MYH10: variants seen among roughly 807,000 people sequenced by gnomAD.
MYH10 encodes myosin heavy chain 10.
In MYH10, 55 loss-of-function variants were observed where a neutral mutation model predicts 257.8. The observed-to-expected ratio is 0.21, with a 90% CI of 0.17 to 0.27. The LOEUF (loss-of-function observed/expected upper bound fraction) is 0.27, where lower values mean the gene tolerates loss of function less well. MYH10 is among the 10% of genes least tolerant of loss of function. The probability of loss-of-function intolerance (pLI) is 1.00; values close to 1 mark genes in which losing one functional copy is unlikely to be tolerated. For synonymous variants in MYH10, 854 were observed against 921.7 expected, an observed-to-expected ratio of 0.93 and a Z score of 1.33; for missense variants, 1,631 against 2,500.6, an observed-to-expected ratio of 0.65 and a Z score of 7.42.
Position 8,545,579 on chromosome 17 carries a change from A to C in MYH10, c.1300T>G (p.Leu434Val), listed in dbSNP as rs766733329. The change falls in exon 13 of 43, where the codon TTG becomes GTG. Residue 434 changes from leucine (L) to valine (V), a missense_variant. This residue lies in a region of MYH10 where 360 missense variants were observed against 581.9 expected (regional missense o/e 0.62). Transcript: ENST00000360416. This position sits in a 1 kb window ranked among gnomAD's most constrained non-coding sequence, Gnocchi z 4.7. Reference protein sequence around the residue: ...KEQADFAVEALAKATYERLFR... With the variant: ...KEQADFAVEAVAKATYERLFR... ...AGCCGCTCATAGGTAGCTTTTGCCA[A>C]TGCTTCTACTGCAAAATCTGCCTGT... is the stretch of plus-strand genomic sequence containing the variant. The C allele has an allele frequency of 1.2e-6, 2 of 1,612,732 alleles. No homozygotes were observed. Among genetic ancestry groups the C allele is most frequent in the Admixed American group, 1.7e-5 (1 of 59,492 alleles).
At position 8,576,223 on chromosome 17, in the gene MYH10, C is replaced by CT. The variant is rs534392246; in HGVS notation, c.663+419dup. ...GCATAAACTATGCCATGCCATAAAA[C>CT]TTTAACAGATCAGAAATTTGTTAGC... On this transcript the variant is annotated intron_variant, in intron 6 of 42. Transcript: ENST00000360416. Among the ~76,000 whole-genome samples, 145 of 152,260 alleles carry CT rather than the reference C, an allele frequency of 9.5e-4. 2 individuals are homozygous for CT. The highest frequency in any genetic ancestry group is 6.0e-3 in the East Asian group (31 of 5,184).
intron 2 of MYH10, among the ~76,000 whole-genome samples, chr17:8,606,524 G>A (rs911793686): frequency 6.6e-5 from 10 of 152,150 alleles, no homozygotes; most frequent in African/African-American, 2.4e-4. Context: ...ACTAACAGCC[G>A]TGTTCATAAG....
At chr17:8,548,880 A>G in intron 9 of MYH10, 93 bp from the exon 10 acceptor site, 1 of 1,094,726 alleles carries the variant, frequency 9.1e-7, no homozygotes, top group South Asian at 1.5e-5. Context: ...GTCACAGGAG[A>G]GCAGTGGTCA....
intron 3 of MYH10, among the ~76,000 whole-genome samples, chr17:8,602,881 T>C (rs1418119098): frequency 6.6e-6 from 1 of 152,216 alleles, no homozygotes; most frequent in Non-Finnish European, 1.5e-5. Flanking sequence ...CACAAAGCCT[T>C]TACCCAGTGC....
intron 25 of MYH10, 100 bp from the exon 26 acceptor site, chr17:8,508,777 G>A (rs2081161227): frequency 2.1e-6 from 3 of 1,427,144 alleles, no homozygotes; most frequent in Admixed American, 1.9e-5. Context: ...GAGAAAATAA[G>A]TTCTATCGGC....
At chr17:8,556,924 C>G (rs2082825709) in intron 7 of MYH10, among the ~76,000 whole-genome samples, 1 of 152,054 alleles carries the variant, frequency 6.6e-6, no homozygotes, top group Admixed American at 6.6e-5. Flanking sequence ...AATAATAATT[C>G]AATTCTGTGT....
At chr17:8,616,405 G>A (rs1221437971) in intron 2 of MYH10, among the ~76,000 whole-genome samples, 2 of 151,980 alleles carry the variant, frequency 1.3e-5, no homozygotes, top group African/African-American at 4.8e-5. Flanking sequence ...GTAAACTTAG[G>A]TCACTGAAGA....
At chr17:8,533,397 CCTGAG>C (rs1419694359) in intron 16 of MYH10, among the ~76,000 whole-genome samples, 1 of 152,168 alleles carries the variant, frequency 6.6e-6, no homozygotes, top group Non-Finnish European at 1.5e-5. Flanking sequence ...GAACACTCCT[CCTGAG>C]CTATGATTTT....
chr17:8,556,290 G>A (rs2082793133), intron 7 of MYH10, among the ~76,000 whole-genome samples: 1 of 152,180 alleles, frequency 6.6e-6, no homozygotes, highest in Non-Finnish European at 1.5e-5. Context: ...AGAAAGGAAT[G>A]CATGCATCCA....
At chr17:8,541,340 C>T (rs376762987) in intron 14 of MYH10, among the ~76,000 whole-genome samples, 2 of 152,194 alleles carry the variant, frequency 1.3e-5, no homozygotes, top group Admixed American at 6.5e-5. Flanking sequence ...GCTTCCTCTA[C>T]GTTACAGATA....
In MYH10 at chr17:8,475,883, G is replaced by T. The variant is rs1300038693; in HGVS notation, c.5945C>A (p.Ala1982Asp). 3 of 1,614,092 alleles carry T rather than the reference G, an allele frequency of 1.9e-6. No homozygotes were observed. The African/African-American group carries it at 4.0e-5, about 22-fold the overall frequency. ...SGRRQLHLEGASLELSDDDTE... is the reference protein window; with the variant it reads ...SGRRQLHLEGDSLELSDDDTE... ...GTCATCGTCGGAGAGCTCCAGGGAA[G>T]CTCCTTCAAGGTGCAGCTGGCGCCG... is the stretch of plus-strand genomic sequence containing the variant. The change falls in exon 43 of 43, where the codon GCT becomes GAT. Residue 1982 changes from alanine to aspartate, a missense_variant. Ala to Asp is a moderately radical substitution (Grantham distance 126). This residue lies in a region of MYH10 where 343 missense variants were observed against 389.5 expected (regional missense o/e 0.88). Coordinates refer to ENST00000360416, the MANE Select transcript of MYH10 (RefSeq NM_001256012.3).
intron 6 of MYH10, among the ~76,000 whole-genome samples, chr17:8,570,410 T>C (rs442552): frequency 0.96 from 146,869 of 152,300 alleles, 71,048 homozygotes; most frequent in East Asian, 1. Context: ...CTGCTTTAGT[T>C]GGTGTCTTTA....
chr17:8,477,659 A>G lies in MYH10; in HGVS notation c.5707-611T>C, dbSNP rs1006671244. Among the ~76,000 whole-genome samples, 6 of 152,136 alleles carry G rather than the reference A, an allele frequency of 3.9e-5. No homozygotes were observed. The East Asian group carries it at 5.8e-4, about 15-fold the overall frequency. The stretch of plus-strand genomic sequence containing the variant: ...CCCCAAGGGTGGGGGTGGGAAGGGA[A>G]GGCCAGGTTGCCTGACTGAATGAAT... On this transcript the variant is annotated intron_variant, in intron 41 of 42. Transcript: ENST00000360416. This position sits in a 1 kb window ranked among gnomAD's most constrained non-coding sequence, Gnocchi z 4.2.
At chr17:8,584,392 AGCCAGCT>A (rs1379996735) in intron 4 of MYH10, among the ~76,000 whole-genome samples, 1 of 152,240 alleles carries the variant, frequency 6.6e-6, no homozygotes, top group African/African-American at 2.4e-5. Context: ...CCAAGGTTGA[AGCCAGCT>A]GCCCAGGACA....
intron 24 of MYH10, 133 bp downstream of exon 24, chr17:8,512,318 G>T (rs192319413): frequency 1.1e-4 from 69 of 657,076 alleles, no homozygotes; most frequent in Middle Eastern, 8.4e-4. Context: ...ATCTTTCTAA[G>T]AGTGGCTTCT....
In MYH10 at chr17:8,623,650, G is replaced by A. The variant is rs544306104; in HGVS notation, c.-31-373C>T. Among the ~76,000 whole-genome samples the A allele has an allele frequency of 1.1e-4, 16 of 151,358 alleles. 1 individual carries two copies. Among genetic ancestry groups the A allele is most frequent in the African/African-American group, 2.9e-4 (12 of 41,280 alleles). ...AGAAAACAAAGATGGGTAATAAAAG[G>A]TTCATGAAGTGGTACCAGAATTAAT... On this transcript the variant is annotated intron_variant, in intron 1 of 42. Coordinates refer to ENST00000360416, the MANE Select transcript of MYH10 (RefSeq NM_001256012.3).
At position 8,518,712 on chromosome 17, in the gene MYH10, T is replaced by A; in HGVS notation, c.2423A>T (p.His808Leu). The change falls in exon 21 of 43, where the codon CAC becomes CTC. Residue 808 changes from histidine to leucine, a missense_variant. Physicochemically the swap from His to Leu is moderately conservative, Grantham distance 99 (BLOSUM62 -3). This residue lies in a region of MYH10 where 116 missense variants were observed against 221.6 expected (regional missense o/e 0.52). Transcript: ENST00000360416. Reference sequence around the variant, plus strand: ...TTTTAAATCTCTTTCTTCCTCTAAGTGTGCCAGAACTCCAGCTCTGAAAAA... The same window carrying A: ...TTTTAAATCTCTTTCTTCCTCTAAGAGTGCCAGAACTCCAGCTCTGAAAAA... Reference protein sequence around the residue: ...KIFFRAGVLAHLEEERDLKIT... With the variant: ...KIFFRAGVLALLEEERDLKIT... 6.2e-7 allele frequency: 1 copy of A among 1,614,198 alleles called. No individual in the cohort carries two copies. Among genetic ancestry groups the A allele is most frequent in the Non-Finnish European group, 8.5e-7 (1 of 1,179,998 alleles).
At chr17:8,624,750 A>C (rs185558631) in intron 1 of MYH10, among the ~76,000 whole-genome samples, 56 of 152,360 alleles carry the variant, frequency 3.7e-4, no homozygotes, top group Non-Finnish European at 7.1e-4. Flanking sequence ...AATCACTGAT[A>C]GTGGTTACAC....
At chr17:8,554,050 A>G in intron 7 of MYH10, 32 bp from the exon 8 acceptor site, 1 of 1,475,828 alleles carries the variant, frequency 6.8e-7, no homozygotes. Flanking sequence ...AAAATTGAAA[A>G]TAAGTAAGTA....
Sources: allele counts gnomAD v4.1 joint callset (sites outside exome capture counted in the v4.1 genomes callset), GRCh38; gene constraint gnomAD v4.1.1; regional missense constraint gnomAD v4.1.1; non-coding constraint Gnocchi (gnomAD v3.1); transcripts MANE v1.5; gene names NCBI Gene and HGNC (gene_info 2026-07-23, HGNC 2026-07-21).